The following CNTNAP5 variants were observed in gnomAD, a reference collection of about 807,000 sequenced individuals.
CNTNAP5 encodes the protein contactin associated protein family member 5.
A neutral mutation model predicts 150.2 loss-of-function variants in CNTNAP5; 72 were observed. That is an observed-to-expected ratio of 0.48 (90% confidence interval 0.40 to 0.58). The LOEUF (loss-of-function observed/expected upper bound fraction) is 0.58, where lower values mean the gene tolerates loss of function less well. Among genes scored for constraint, CNTNAP5 ranks in the 20% least tolerant of loss-of-function variants. The pLI is 0.00. For missense variants in CNTNAP5, 1,636 were observed against 1,626.2 expected (o/e 1.01, Z -0.10); for synonymous variants, 672 against 619.8 (o/e 1.08, Z -1.25).
rs549450715 is a variant in CNTNAP5, at chr2:124,872,944, G to A, written c.3436+3182G>A. Among the ~76,000 whole-genome samples, 72 of 152,116 alleles carry A rather than the reference G, an allele frequency of 4.7e-4. 2 individuals are homozygous for A. The highest frequency in any genetic ancestry group is 2.4e-3 in the Admixed American group (37 of 15,264). Reference sequence around the variant, plus strand: ...CAGACAACTTGTTATTTTATTTCTGGTGCTTTGTAATTATCAGGTAGAAAA... The same window carrying A: ...CAGACAACTTGTTATTTTATTTCTGATGCTTTGTAATTATCAGGTAGAAAA... On this transcript the variant is annotated intron_variant, in intron 21 of 23. Transcript: ENST00000682447.
chr2:124,120,798 A>G (rs1372069103), intron 1 of CNTNAP5, among the ~76,000 whole-genome samples: 1 of 152,190 alleles, frequency 6.6e-6, no homozygotes, highest in African/African-American at 2.4e-5. Flanking sequence ...GATATCAACT[A>G]AATGAAGACA....
chr2:124,845,742 CA>C (rs1683035162), intron 19 of CNTNAP5, among the ~76,000 whole-genome samples: 1 of 152,036 alleles, frequency 6.6e-6, no homozygotes, highest in Admixed American at 6.6e-5. Flanking sequence ...GGAATGTATC[CA>C]TCTCCTCTAG....
At chr2:124,544,033 C>A (rs1695453134) in intron 10 of CNTNAP5, among the ~76,000 whole-genome samples, 1 of 151,810 alleles carries the variant, frequency 6.6e-6, no homozygotes, top group Admixed American at 6.6e-5. Context: ...GCTCATTTTA[C>A]CAAGAAGGAC....
At chr2:124,184,160 A>G (rs1685274124) in intron 1 of CNTNAP5, among the ~76,000 whole-genome samples, 1 of 152,204 alleles carries the variant, frequency 6.6e-6, no homozygotes, top group African/African-American at 2.4e-5. Flanking sequence ...CAAGATGGGC[A>G]GAGGAAGTGT....
intron 1 of CNTNAP5, among the ~76,000 whole-genome samples, chr2:124,208,718 G>C (rs1316914272): frequency 3.3e-5 from 5 of 152,132 alleles, no homozygotes; most frequent in Non-Finnish European, 4.4e-5. Flanking sequence ...AGACCAAGAG[G>C]CCTAGTGATA....
intron 1 of CNTNAP5, among the ~76,000 whole-genome samples, chr2:124,087,429 A>G (rs1305244410): frequency 1.3e-5 from 2 of 151,910 alleles, no homozygotes; most frequent in African/African-American, 4.9e-5. Flanking sequence ...CTTTACACTT[A>G]AAGAATATTT....
chr2:124,386,682 T>C (rs1458505532), intron 3 of CNTNAP5, among the ~76,000 whole-genome samples: 1 of 152,210 alleles, frequency 6.6e-6, no homozygotes, highest in African/African-American at 2.4e-5. Flanking sequence ...TATTTCCATA[T>C]GGCACACCTC....
intron 13 of CNTNAP5, among the ~76,000 whole-genome samples, chr2:124,684,359 A>G (rs1490794327): frequency 6.6e-6 from 1 of 152,230 alleles, no homozygotes; most frequent in African/African-American, 2.4e-5. Flanking sequence ...CTGCAGGGAA[A>G]GAGTCAGAGC....
intron 1 of CNTNAP5, among the ~76,000 whole-genome samples, chr2:124,109,064 G>A (rs1444648424): frequency 6.6e-6 from 1 of 152,188 alleles, no homozygotes; most frequent in Non-Finnish European, 1.5e-5. Context: ...GCACAGAGAT[G>A]TGAGGTCTTC....
rs544043199 is a variant in CNTNAP5 at position 124,243,949 on chromosome 2, T to C, written c.381+1556T>C. ...ATAAGAAATAAGCACACCTTCCATT[T>C]TGAGGAACAATTTTAAGGTTTTTAT... On this transcript the variant is annotated intron_variant, in intron 3 of 23. Transcript: ENST00000682447. 1.1e-4 allele frequency among the ~76,000 whole-genome samples: 17 copies of C among 152,334 alleles called. No homozygotes were observed. The South Asian group carries it at 2.1e-3, about 19-fold the overall frequency.
chr2:124,711,115 A>C (rs1056374522), intron 13 of CNTNAP5, among the ~76,000 whole-genome samples: 1 of 151,960 alleles, frequency 6.6e-6, no homozygotes, highest in South Asian at 2.1e-4. Flanking sequence ...TACTCAAAAT[A>C]CACAAATTAG....
chr2:124,772,393 G>A (rs1681221071), intron 16 of CNTNAP5, among the ~76,000 whole-genome samples: 1 of 152,148 alleles, frequency 6.6e-6, no homozygotes, highest in Non-Finnish European at 1.5e-5. Flanking sequence ...AAAATAAGGA[G>A]GAAGCACTGG....
intron 6 of CNTNAP5, among the ~76,000 whole-genome samples, chr2:124,451,899 T>C (rs1692990460): frequency 6.6e-6 from 1 of 152,176 alleles, no homozygotes; most frequent in African/African-American, 2.4e-5. Context: ...GGAAAATCCC[T>C]GTGGGCTTGC....
chr2:124,088,740 G>A (rs1034827659), intron 1 of CNTNAP5, among the ~76,000 whole-genome samples: 1 of 152,124 alleles, frequency 6.6e-6, no homozygotes, highest in Non-Finnish European at 1.5e-5. Flanking sequence ...TCTCCATGGA[G>A]TCTGCCCTGG....
chr2:124,741,821 C>T (rs1680503082), intron 13 of CNTNAP5, among the ~76,000 whole-genome samples: 1 of 152,098 alleles, frequency 6.6e-6, no homozygotes, highest in Non-Finnish European at 1.5e-5. Flanking sequence ...TCTCCCTCCT[C>T]CTCCTTATTC....
In CNTNAP5 at chr2:124,666,616, G is replaced by A. The variant is rs545091943; in HGVS notation, c.2077+18658G>A. Among the ~76,000 whole-genome samples, 79 of 152,160 alleles carry A rather than the reference G, an allele frequency of 5.2e-4. No homozygotes were observed. In the Middle Eastern group the frequency reaches 0.014, roughly 26 times the overall value. ...TAGAGTCCCCTTGGCCAAGGGGCGA[G>A]GGGTCTCTTCAGAGATGAGGGGATC... On this transcript the variant is annotated intron_variant, in intron 13 of 23. Transcript: ENST00000682447.
chr2:124,844,589 G>C (rs1412044238), intron 19 of CNTNAP5, among the ~76,000 whole-genome samples: 4 of 152,086 alleles, frequency 2.6e-5, no homozygotes, highest in Non-Finnish European at 4.4e-5. Flanking sequence ...ATTGTTTTTG[G>C]CACTATGGTC....
chr2:124,427,599 G>A (rs924251715), intron 4 of CNTNAP5, among the ~76,000 whole-genome samples: 2 of 151,876 alleles, frequency 1.3e-5, no homozygotes, highest in African/African-American at 4.8e-5. Flanking sequence ...TGGGATTACA[G>A]GTGCCCACAA....
At chr2:124,889,442 G>C (rs1266260116) in intron 21 of CNTNAP5, among the ~76,000 whole-genome samples, 2 of 152,026 alleles carry the variant, frequency 1.3e-5, no homozygotes, top group Non-Finnish European at 2.9e-5. Flanking sequence ...ATTGTGAAAG[G>C]TAGGGGTCCA....
Sources: gnomAD v4.1 joint callset for allele counts (sites outside exome capture counted in the v4.1 genomes callset) on GRCh38, gnomAD v4.1.1 for gene constraint, MANE v1.5 for transcripts, NCBI Gene and HGNC (gene_info 2026-07-23, HGNC 2026-07-21) for gene names.